CAPN13: variants seen among roughly 807,000 people sequenced by gnomAD.
CAPN13 encodes the protein calpain-13.
CAPN13 carries 90 observed loss-of-function variants against 98.4 expected under a neutral mutation model. That is an observed-to-expected ratio of 0.92 (90% CI 0.77 to 1.09). The LOEUF is 1.09. CAPN13 is among the 50% of genes least tolerant of loss of function. The pLI, the probability that CAPN13 is intolerant of heterozygous loss-of-function variation, is 0.00. For synonymous variants in CAPN13, 330 were observed against 305.5 expected, an observed-to-expected ratio of 1.08 and a Z score of -0.84; for missense variants, 887 against 841.3, an observed-to-expected ratio of 1.05 and a Z score of -0.67.
chr2:30,795,168 TCTC>T (rs756089771), intron 1 of CAPN13, among the ~76,000 whole-genome samples: 12 of 152,030 alleles, frequency 7.9e-5, no homozygotes, highest in Non-Finnish European at 1.8e-4. Context: ...TATTTGTACT[TCTC>T]CTCTCAATGG....
chr2:30,806,370 C>T (rs1915127), intron 1 of CAPN13: 108,427 of 152,114 alleles, frequency 0.71, 39,041 homozygotes, highest in African/African-American at 0.78. Context: ...AAGTAAGCCT[C>T]CCTACAGCTG....
chr2:30,787,884 G>A (rs1674392717), intron 1 of CAPN13, among the ~76,000 whole-genome samples: 1 of 152,122 alleles, frequency 6.6e-6, no homozygotes, highest in South Asian at 2.1e-4. Flanking sequence ...GGTGGGGCAT[G>A]ATCAGATCTG....
At position 30,723,030 on chromosome 2, in the gene CAPN13, A is replaced by G. The variant is rs2280404; in HGVS notation, c.*237T>C. 59,861 of 152,116 alleles carry G rather than the reference A, an allele frequency of 0.39. 11,857 individuals are homozygous for G. Among genetic ancestry groups the G allele is most frequent in the East Asian group, 0.51 (2,609 of 5,142 alleles). 9.4% of individuals were successfully genotyped at this position (152,116 alleles called of 1,614,324 possible). ...CCTTTTCCAGGGCAACGTAGGCTGA[A>G]TACATCCCAAAGTGCTCAGATGAGC... On this transcript the variant is annotated 3_prime_UTR_variant, in exon 23 of 23. Transcript: ENST00000295055.
In CAPN13 at chr2:30,741,975, G is replaced by T; in HGVS notation, c.1480-11C>A. ...TTCTGAAGGGCTTCCCTGGATCAAA[G>T]GGAAAATAGTCAATGTTAGACTTCT... On this transcript the variant is annotated splice_polypyrimidine_tract_variant and intron_variant, in intron 14 of 22. Coordinates refer to ENST00000295055, the MANE Select transcript of CAPN13 (RefSeq NM_144575.3). 6.2e-7 allele frequency: 1 copy of T among 1,612,974 alleles called. No homozygotes were observed. Among genetic ancestry groups the T allele is most frequent in the South Asian group, 1.1e-5 (1 of 91,036 alleles).
At chr2:30,728,197 C>A (rs1227346449) in intron 22 of CAPN13, among the ~76,000 whole-genome samples, 1 of 149,898 alleles carries the variant, frequency 6.7e-6, no homozygotes, top group African/African-American at 2.5e-5. Context: ...GCTAGATGGG[C>A]ATGGGGTTTC....
At chr2:30,792,036 C>A (rs1351958382) in intron 1 of CAPN13, among the ~76,000 whole-genome samples, 1 of 151,994 alleles carries the variant, frequency 6.6e-6, no homozygotes, top group East Asian at 1.9e-4. Context: ...AATTCACAGG[C>A]GGAATTCAAT....
At position 30,751,121 on chromosome 2, in the gene CAPN13, G is replaced by A. The variant is rs367985763; in HGVS notation, c.1218C>T (p.Leu406=). 2.4e-5 allele frequency: 39 copies of A among 1,613,576 alleles called. No homozygotes were observed. The highest frequency in any genetic ancestry group is 2.3e-4 in the Admixed American group (14 of 59,982). ...GCCTTACCAGAATCACTTGGAAATC[G>A]AGTGGAAATTTTGCATCTTCTGCTT... ...NLKAEDAKFP[L]DFQVILAGSQ... The change falls in exon 11 of 23, where the codon CTC becomes CTT. Residue 406 remains leucine (L), a synonymous_variant. Coordinates refer to ENST00000295055, the MANE Select transcript of CAPN13 (RefSeq NM_144575.3).
At chr2:30,776,079 G>A (rs749914771) in intron 3 of CAPN13, 34 bp from the exon 4 acceptor site, 1 of 1,433,922 alleles carries the variant, frequency 7.0e-7, no homozygotes, top group South Asian at 1.2e-5. Context: ...AAGGCTGATT[G>A]GACACACTTG....
In CAPN13 at chr2:30,738,264, C is replaced by A; in HGVS notation, c.1624G>T (p.Glu542Ter). The A allele has an allele frequency of 6.2e-7, 1 of 1,613,924 alleles. No individual in the cohort carries two copies. Among genetic ancestry groups the A allele is most frequent in the East Asian group, 2.2e-5 (1 of 44,884 alleles). The change falls in exon 17 of 23, where the codon GAG (glutamate) becomes TAG (stop). Residue 542 changes from glutamate (E) to a stop codon, truncating the protein, a stop_gained. Coordinates refer to ENST00000295055, the MANE Select transcript of CAPN13 (RefSeq NM_144575.3). LOFTEE classifies it high-confidence loss of function. Reference protein sequence around the residue: ...GPPGDMFSLDECRSLVALMEL... With the variant: ...GPPGDMFSLD ...ATCAGAGCCACCAAGCTGCGGCACT[C>A]ATCTAAGGAGAACATGTCCCCTGGA...
At chr2:30,766,783 C>T (rs1352675527) in intron 5 of CAPN13, among the ~76,000 whole-genome samples, 5 of 152,234 alleles carry the variant, frequency 3.3e-5, no homozygotes, top group Admixed American at 6.5e-5. Context: ...TACCAGCTCT[C>T]GTCCCTCAAT....
intron 12 of CAPN13, chr2:30,743,877 A>C: frequency 4.0e-6 from 2 of 496,344 alleles, no homozygotes; most frequent in Non-Finnish European, 7.5e-6. Flanking sequence ...TAGAGAGAAA[A>C]CTTCCATGGA....
chr2:30,787,407 GCAT>G, intron 1 of CAPN13, 50 bp from the exon 2 acceptor site: 1 of 1,399,696 alleles, frequency 7.1e-7, no homozygotes, highest in South Asian at 1.5e-5. Flanking sequence ...CAAGTCCTTT[GCAT>G]CATCAAATGT....
chr2:30,732,467 C>G lies in CAPN13; in HGVS notation c.1898G>C (p.Cys633Ser). The G allele has an allele frequency of 6.2e-7, 1 of 1,613,660 alleles. No homozygotes were observed. ...VGRVSFPSLVCFLMRLEAMAK... is the reference protein window; with the variant it reads ...VGRVSFPSLVSFLMRLEAMAK... ...CATGGCTTCAAGCCGCATCAGGAAG[C>G]AGACCAGGCTGGGGAAGCTGACCCT... The change falls in exon 20 of 23, where the codon TGC becomes TCC. Residue 633 changes from cysteine (C) to serine (S), a missense_variant. Cys to Ser is a moderately radical substitution (Grantham distance 112). Transcript: ENST00000295055.
At chr2:30,786,788 G>A (rs1674304944) in intron 2 of CAPN13, among the ~76,000 whole-genome samples, 1 of 152,208 alleles carries the variant, frequency 6.6e-6, no homozygotes, top group Admixed American at 6.5e-5. Context: ...GTGACAGAGT[G>A]ATAGATGGGG....
At chr2:30,772,230 T>G (rs895769909) in intron 4 of CAPN13, among the ~76,000 whole-genome samples, 2 of 152,146 alleles carry the variant, frequency 1.3e-5, no homozygotes, top group African/African-American at 4.8e-5. Context: ...GGGCTGGCAT[T>G]TGGATCATGT....
chr2:30,734,338 C>A (rs766113799), intron 19 of CAPN13, 111 bp downstream of exon 19: 2 of 799,100 alleles, frequency 2.5e-6, no homozygotes, highest in Non-Finnish European at 4.2e-6. Flanking sequence ...AGCTGCAGCG[C>A]TCCTCTCTCC....
rs138379521 is a variant in CAPN13 at position 30,726,840 on chromosome 2, A to C, written c.*31-3604T>G. On this transcript the variant is annotated intron_variant, in intron 22 of 22. Transcript: ENST00000295055. ...TCTATCAAAATCCCAGAAGCTGATA[A>C]ATTGATTCTAAAATTTATATGTAAA... 1.4e-4 allele frequency among the ~76,000 whole-genome samples: 22 copies of C among 152,292 alleles called. 1 individual carries two copies. In the East Asian group the frequency reaches 4.2e-3, roughly 29 times the overall value.
chr2:30,730,687 C>A, intron 22 of CAPN13, 43 bp downstream of exon 22: 1 of 776,858 alleles, frequency 1.3e-6, no homozygotes. Context: ...AAGGAGGACT[C>A]ATGCTCCCAG....
chr2:30,740,424 G>A (rs1440359234), intron 15 of CAPN13, among the ~76,000 whole-genome samples: 3 of 152,210 alleles, frequency 2.0e-5, no homozygotes, highest in African/African-American at 7.2e-5. Context: ...TAGTTAAAGT[G>A]GTAGAAAAGA....
Sources: gnomAD v4.1 joint callset for allele counts (sites outside exome capture counted in the v4.1 genomes callset) on GRCh38, gnomAD v4.1.1 for gene constraint, MANE v1.5 for transcripts, NCBI Gene and HGNC (gene_info 2026-07-23, HGNC 2026-07-21) for gene names.